Variants in EMB observed in about 807,000 individuals in gnomAD.
EMB encodes embigin.
In EMB, 31 loss-of-function variants were observed where a neutral mutation model predicts 41.4. The ratio of observed to expected loss-of-function variants is 0.75; its 90% confidence interval spans 0.56 to 1.01. EMB has a LOEUF of 1.01. Ranked by LOEUF, EMB falls within the 50% of genes least tolerant of loss-of-function variation. EMB has a pLI of 0.00. For synonymous variants in EMB, 137 were observed against 140.4 expected, an observed-to-expected ratio of 0.98 and a Z score of 0.17; for missense variants, 379 against 388.3, an observed-to-expected ratio of 0.98 and a Z score of 0.20.
chr5:50,418,388 C>T lies in EMB; in HGVS notation c.197-7005G>A, dbSNP rs184161742. ...TGATAGGCAAAGTACTCACTCACTG[C>T]GGAAACCTAAGAACAGATATTTCTT... On this transcript the variant is annotated intron_variant, in intron 2 of 8. Coordinates refer to ENST00000303221, the MANE Select transcript of EMB (RefSeq NM_198449.3). 1.4e-3 allele frequency among the ~76,000 whole-genome samples: 216 copies of T among 152,316 alleles called. 4 individuals carry two copies. Among genetic ancestry groups the T allele is most frequent in the African/African-American group, 4.4e-3 (183 of 41,570 alleles).
intron 2 of EMB, among the ~76,000 whole-genome samples, chr5:50,425,482 C>T (rs1210900773): frequency 6.6e-6 from 1 of 150,650 alleles, no homozygotes; most frequent in Non-Finnish European, 1.5e-5. Flanking sequence ...CAACTAAACA[C>T]TAATATGCAG....
intron 1 of EMB, among the ~76,000 whole-genome samples, chr5:50,435,419 T>C (rs1237485061): frequency 1.3e-5 from 2 of 152,214 alleles, no homozygotes; most frequent in East Asian, 3.9e-4. Context: ...AATCACACAT[T>C]GCCGTTGGCT....
intron 1 of EMB, chr5:50,428,475 T>C: frequency 8.9e-7 from 1 of 1,126,324 alleles, no homozygotes; most frequent in Non-Finnish European, 1.1e-6. Context: ...TGGCTTTTTT[T>C]AAATAACGCC....
At chr5:50,421,327 A>G (rs1260636688) in intron 2 of EMB, among the ~76,000 whole-genome samples, 2 of 152,216 alleles carry the variant, frequency 1.3e-5, no homozygotes, top group African/African-American at 4.8e-5. Context: ...GAGAAATGCA[A>G]ATCAAAACCA....
chr5:50,428,490 A>G, intron 1 of EMB: 1 of 1,098,870 alleles, frequency 9.1e-7, no homozygotes, highest in Non-Finnish European at 1.1e-6. Flanking sequence ...AACGCCTTCC[A>G]TTTTTATTCT....
intron 2 of EMB, among the ~76,000 whole-genome samples, chr5:50,418,499 G>T (rs1441743529): frequency 2.6e-5 from 4 of 152,156 alleles, no homozygotes; most frequent in Non-Finnish European, 5.9e-5. Flanking sequence ...AGGGAGTTAG[G>T]GACCTAGGCA....
intron 2 of EMB, among the ~76,000 whole-genome samples, chr5:50,415,565 T>C (rs1245586115): frequency 4.6e-5 from 7 of 152,224 alleles, no homozygotes; most frequent in Non-Finnish European, 7.3e-5. Flanking sequence ...GGGTTATATG[T>C]TGATTAAATA....
At chr5:50,437,739 G>A (rs1745828221) in intron 1 of EMB, among the ~76,000 whole-genome samples, 1 of 152,066 alleles carries the variant, frequency 6.6e-6, no homozygotes, top group African/African-American at 2.4e-5. Flanking sequence ...GAAAGCTGCT[G>A]TGTTTGGGGT....
In EMB at chr5:50,427,139, C is replaced by T. The variant is rs188524457; in HGVS notation, c.196+1005G>A. On this transcript the variant is annotated intron_variant, in intron 2 of 8. Transcript: ENST00000303221. ...TCTTCCAAAACAATATATAACATTT[C>T]TCTCTAATAAAACCTCTAAACTTCT... 2.8e-3 allele frequency among the ~76,000 whole-genome samples: 433 copies of T among 152,254 alleles called. 3 individuals are homozygous for T. Among genetic ancestry groups the T allele is most frequent in the African/African-American group, 1.0e-2 (415 of 41,556 alleles).
At chr5:50,427,269 T>C (rs1745627922) in intron 2 of EMB, among the ~76,000 whole-genome samples, 1 of 152,216 alleles carries the variant, frequency 6.6e-6, no homozygotes, top group South Asian at 2.1e-4. Context: ...TTCATCTCGA[T>C]ATTTTTATTT....
chr5:50,419,536 T>TACAC (rs371940991), intron 2 of EMB, among the ~76,000 whole-genome samples: 2,412 of 142,808 alleles, frequency 0.017, 38 homozygotes, highest in African/African-American at 0.045. Flanking sequence ...CCCCACTACA[T>TACAC]ACACACACAC....
intron 1 of EMB, among the ~76,000 whole-genome samples, chr5:50,435,323 T>C (rs1231031515): frequency 6.6e-6 from 1 of 152,090 alleles, no homozygotes; most frequent in Non-Finnish European, 1.5e-5. Context: ...TGAATATATA[T>C]GAAGCACCAT....
At chr5:50,403,091 C>G in intron 6 of EMB, 87 bp downstream of exon 6, 1 of 1,249,118 alleles carries the variant, frequency 8.0e-7, no homozygotes, top group Non-Finnish European at 1.1e-6. Context: ...TGTATCAAAT[C>G]ATAATCCATA....
chr5:50,436,450 T>C (rs866371932), intron 1 of EMB, among the ~76,000 whole-genome samples: 1 of 152,210 alleles, frequency 6.6e-6, no homozygotes, highest in South Asian at 2.1e-4. Context: ...TAAACTGTCA[T>C]TGCTACTGCC....
At chr5:50,404,828 C>A (rs971440579) in intron 5 of EMB, among the ~76,000 whole-genome samples, 3 of 151,920 alleles carry the variant, frequency 2.0e-5, no homozygotes, top group African/African-American at 7.2e-5. Flanking sequence ...CATTGAAAAA[C>A]TAAACCTGTT....
In EMB at chr5:50,405,760, T is replaced by G. The variant is rs769633688; in HGVS notation, c.565A>C (p.Asn189His). The change falls in exon 5 of 9, where the codon AAT (asparagine) becomes CAT (histidine). Residue 189 changes from asparagine (N) to histidine (H), a missense_variant. By Grantham distance (68) the Asn-to-His change is moderately conservative (BLOSUM62 1). Transcript: ENST00000303221. ...CCATTACTACTGTACCAGGTCCAAT[T>G]TAAAGGAAAACAATTTTGACATTTA... is the stretch of plus-strand genomic sequence containing the variant. ...TCKCQNCFPL[N>H]WTWYSSNGSV... 3.0e-5 allele frequency: 49 copies of G among 1,606,644 alleles called. 2 individuals carry two copies. The South Asian group carries it at 5.3e-4, about 18-fold the overall frequency.
intron 1 of EMB, among the ~76,000 whole-genome samples, chr5:50,437,837 T>A (rs529071179): frequency 6.6e-6 from 1 of 152,336 alleles, no homozygotes; most frequent in African/African-American, 2.4e-5. Context: ...ATGATTCTAC[T>A]GCAAACATTT....
intron 1 of EMB, chr5:50,428,429 T>G (rs1345386164): frequency 1.2e-5 from 14 of 1,204,498 alleles, no homozygotes; most frequent in Non-Finnish European, 1.4e-5. Flanking sequence ...TTTTTTTTCT[T>G]TTTTAACCTA....
intron 1 of EMB, among the ~76,000 whole-genome samples, chr5:50,434,864 G>C (rs1411445755): frequency 6.6e-6 from 1 of 152,128 alleles, no homozygotes; most frequent in South Asian, 2.1e-4. Flanking sequence ...AGTGTTGTGA[G>C]GTTTGTTCTC....
Sources: allele counts gnomAD v4.1 joint callset (sites outside exome capture counted in the v4.1 genomes callset), GRCh38; gene constraint gnomAD v4.1.1; transcripts MANE v1.5; gene names NCBI Gene and HGNC (gene_info 2026-07-23, HGNC 2026-07-21).